KLHL1: variants seen among roughly 807,000 people sequenced by gnomAD.
KLHL1 encodes kelch like family member 1.
A neutral mutation model predicts 77.7 loss-of-function variants in KLHL1; 47 were observed. The ratio of observed to expected loss-of-function variants is 0.60; its 90% confidence interval spans 0.48 to 0.77. The LOEUF (loss-of-function observed/expected upper bound fraction) is 0.77. Ranked by LOEUF, KLHL1 falls within the 30% of genes least tolerant of loss-of-function variation. The probability of loss-of-function intolerance (pLI) is 0.00; values close to 1 mark genes in which losing one functional copy is unlikely to be tolerated. For synonymous variants in KLHL1, 360 were observed against 325.2 expected (o/e 1.11, Z -1.15); for missense variants, 925 against 910.8 (o/e 1.02, Z -0.20).
At chr13:69,822,723 A>C (rs1377186015) in intron 6 of KLHL1, among the ~76,000 whole-genome samples, 1 of 152,200 alleles carries the variant, frequency 6.6e-6, no homozygotes, top group Non-Finnish European at 1.5e-5. Context: ...GAATAGTATA[A>C]TATTTGTGAA....
At chr13:69,776,406 T>C (rs1379580670) in intron 7 of KLHL1, among the ~76,000 whole-genome samples, 1 of 152,224 alleles carries the variant, frequency 6.6e-6, no homozygotes, top group Non-Finnish European at 1.5e-5. Context: ...ACTAATGAGC[T>C]GTATGAACTT....
intron 1 of KLHL1, among the ~76,000 whole-genome samples, chr13:70,095,777 T>C (rs1887774542): frequency 6.6e-6 from 1 of 152,066 alleles, no homozygotes; most frequent in Non-Finnish European, 1.5e-5. Context: ...CAGCATCTTA[T>C]TCCTTCTATC....
chr13:70,068,317 G>T lies in KLHL1; in HGVS notation c.497+38886C>A, dbSNP rs1172402778. ...GATCGCGCCACTGCACTCCAGCCTG[G>T]GCGACAGAGCGAGACTCCGTCTCAA... On this transcript the variant is annotated intron_variant, in intron 1 of 10. Transcript: ENST00000377844. 2.0e-5 allele frequency among the ~76,000 whole-genome samples: 3 copies of T among 151,574 alleles called. No individual in the cohort carries two copies. In the East Asian group the frequency reaches 5.9e-4, roughly 30 times the overall value.
intron 6 of KLHL1, among the ~76,000 whole-genome samples, chr13:69,800,556 C>T (rs1451463688): frequency 6.6e-6 from 1 of 152,080 alleles, no homozygotes; most frequent in South Asian, 2.1e-4. Context: ...GTATTGTAAA[C>T]ATTTTGTCTT....
chr13:70,065,984 G>A (rs911697338), intron 1 of KLHL1, among the ~76,000 whole-genome samples: 2 of 152,154 alleles, frequency 1.3e-5, no homozygotes, highest in African/African-American at 4.8e-5. Flanking sequence ...TTATCTGGGG[G>A]AAATTAAGGC....
chr13:69,796,328 C>G (rs2138037475), intron 7 of KLHL1, among the ~76,000 whole-genome samples: 1 of 152,242 alleles, frequency 6.6e-6, no homozygotes. Context: ...GAGGTGGGGC[C>G]TACTGGGAGA....
At chr13:69,910,136 TTA>T (rs1423136538) in intron 4 of KLHL1, among the ~76,000 whole-genome samples, 5 of 152,110 alleles carry the variant, frequency 3.3e-5, no homozygotes, top group Non-Finnish European at 5.9e-5. Context: ...CACGAATTCC[TTA>T]TGTTTGCACA....
At chr13:69,805,190 A>G (rs1877565014) in intron 6 of KLHL1, among the ~76,000 whole-genome samples, 1 of 152,042 alleles carries the variant, frequency 6.6e-6, no homozygotes, top group South Asian at 2.1e-4. Flanking sequence ...TGTGCCAAAT[A>G]AGCAACCAAA....
rs1429939775 is a variant in KLHL1 at position 69,939,372 on chromosome 13, T to TACAC, written c.1014+667_1014+668insGTGT. ...ATATATATATATATATATATATATA[T>TACAC]ATATATACACACACACACGCACACA... On this transcript the variant is annotated intron_variant, in intron 4 of 10. Coordinates refer to ENST00000377844, the MANE Select transcript of KLHL1 (RefSeq NM_020866.3). Among the ~76,000 whole-genome samples the TACAC allele has an allele frequency of 3.1e-4, 28 of 90,660 alleles. 1 individual carries two copies. Among genetic ancestry groups the TACAC allele is most frequent in the African/African-American group, 1.3e-3 (28 of 21,970 alleles). The allele number at this position is 90,660 out of a possible 152,430, so 59.5% of individuals were successfully genotyped here.
chr13:69,833,255 A>G (rs1878835021), intron 6 of KLHL1, among the ~76,000 whole-genome samples: 1 of 152,092 alleles, frequency 6.6e-6, no homozygotes, highest in Non-Finnish European at 1.5e-5. Flanking sequence ...CAAACATATC[A>G]GCAAGAAACA....
chr13:69,765,951 G>A (rs999507729), intron 7 of KLHL1, among the ~76,000 whole-genome samples: 1 of 152,124 alleles, frequency 6.6e-6, no homozygotes, highest in Non-Finnish European at 1.5e-5. Context: ...TTTACTCTTA[G>A]CCTCAGTTGA....
intron 4 of KLHL1, among the ~76,000 whole-genome samples, chr13:69,912,843 G>C (rs1882284743): frequency 1.3e-5 from 2 of 151,984 alleles, no homozygotes; most frequent in Admixed American, 6.6e-5. Flanking sequence ...AGTCCTGCTG[G>C]GAGACTACCT....
intron 7 of KLHL1, among the ~76,000 whole-genome samples, chr13:69,756,724 T>A (rs888518760): frequency 1.1e-4 from 16 of 152,200 alleles, no homozygotes; most frequent in African/African-American, 3.4e-4. Flanking sequence ...TGATGTGGCC[T>A]CTGTGGTGTT....
At chr13:69,880,122 A>G (rs1880931847) in intron 5 of KLHL1, among the ~76,000 whole-genome samples, 1 of 152,132 alleles carries the variant, frequency 6.6e-6, no homozygotes, top group Non-Finnish European at 1.5e-5. Context: ...TGGCCAACCT[A>G]TGTTTGCAGG....
rs192770952 is a variant in KLHL1 at position 70,068,403 on chromosome 13, G to A, written c.497+38800C>T. 2.0e-5 allele frequency among the ~76,000 whole-genome samples: 3 copies of A among 152,240 alleles called. No individual in the cohort carries two copies. The East Asian group carries it at 5.8e-4, about 29-fold the overall frequency. ...AAGGATTTTTAAAATTATATTTACA[G>A]TGACACTGATTAATGAATTATGATT... On this transcript the variant is annotated intron_variant, in intron 1 of 10. Coordinates refer to ENST00000377844, the MANE Select transcript of KLHL1 (RefSeq NM_020866.3).
chr13:70,050,268 C>T (rs548264161), intron 1 of KLHL1, among the ~76,000 whole-genome samples: 5 of 151,818 alleles, frequency 3.3e-5, no homozygotes, highest in Admixed American at 1.3e-4. Context: ...ATATTTCTGA[C>T]GCCTTCTTCC....
chr13:69,917,476 G>A (rs2138257110), intron 4 of KLHL1, among the ~76,000 whole-genome samples: 1 of 152,218 alleles, frequency 6.6e-6, no homozygotes, highest in South Asian at 2.1e-4. Flanking sequence ...AGCACATTAA[G>A]TAATCAGATC....
rs936906092 is a variant in KLHL1, at chr13:69,740,545, G to A, written c.1651C>T (p.Leu551Phe). The change falls in exon 8 of 11, where the codon CTT (leucine) becomes TTT (phenylalanine). Residue 551 changes from leucine to phenylalanine, a missense_variant. Physicochemically the swap from Leu to Phe is conservative, Grantham distance 22. Coordinates refer to ENST00000377844, the MANE Select transcript of KLHL1 (RefSeq NM_020866.3). ...THRHGLGVTV[L>F]EGPIYAVGGH... Reference sequence around the variant, plus strand: ...CCCACAGCATAAATAGGGCCTTCAAGTACTGTTACACCTAAAATATTAGAT... The same window carrying A: ...CCCACAGCATAAATAGGGCCTTCAAATACTGTTACACCTAAAATATTAGAT... 2 of 1,609,120 alleles carry A rather than the reference G, an allele frequency of 1.2e-6. No homozygotes were observed. Among genetic ancestry groups the A allele is most frequent in the African/African-American group, 2.7e-5 (2 of 74,774 alleles).
chr13:70,036,693 T>C (rs139072461), intron 1 of KLHL1, among the ~76,000 whole-genome samples: 17 of 152,052 alleles, frequency 1.1e-4, no homozygotes, highest in South Asian at 4.1e-4. Flanking sequence ...TGAAGTAGGA[T>C]ATTCCCTTAT....
Sources: allele counts gnomAD v4.1 joint callset (sites outside exome capture counted in the v4.1 genomes callset), GRCh38; gene constraint gnomAD v4.1.1; transcripts MANE v1.5; gene names NCBI Gene and HGNC (gene_info 2026-07-23, HGNC 2026-07-21).